PCGF6: variants seen among roughly 807,000 people sequenced by gnomAD.
The protein encoded by PCGF6 is polycomb group ring finger 6.
In PCGF6, 24 loss-of-function variants were observed where a neutral mutation model predicts 45.5. The ratio of observed to expected loss-of-function variants is 0.53; its 90% CI spans 0.38 to 0.74. PCGF6 has a LOEUF of 0.74. Among genes scored for constraint, PCGF6 ranks in the 30% least tolerant of loss-of-function variants. The pLI, the probability that PCGF6 is intolerant of heterozygous loss-of-function variation, is 0.00. For synonymous variants in PCGF6, 152 were observed against 162.1 expected (o/e 0.94, Z 0.47); for missense variants, 356 against 443.2 (o/e 0.80, Z 1.77).
intron 7 of PCGF6, among the ~76,000 whole-genome samples, chr10:103,328,656 T>C (rs974680794): frequency 6.6e-6 from 1 of 152,174 alleles, no homozygotes; most frequent in African/African-American, 2.4e-5. Flanking sequence ...ACCTGTCACA[T>C]AGTAAGCACT....
rs779439029 is a variant in PCGF6 at position 103,351,104 on chromosome 10, G to A, written c.-38C>T. ...CACCAGGCGAGGCGAGGCGGCGGGA[G>A]AGCGCGGGAGTTCGGCCGGCCTCGG... On this transcript the variant is annotated 5_prime_UTR_variant, in exon 1 of 10. Coordinates refer to ENST00000369847, the MANE Select transcript of PCGF6 (RefSeq NM_001011663.2). 11 of 1,339,090 alleles carry A rather than the reference G, an allele frequency of 8.2e-6. No homozygotes were observed. Among genetic ancestry groups the A allele is most frequent in the Non-Finnish European group, 1.1e-5 (11 of 1,044,990 alleles). 83.0% of individuals were successfully genotyped at this position (1,339,090 alleles called of 1,614,324 possible). A position where few individuals can be genotyped will look rare whatever the true frequency, so the allele number is the denominator to read the frequency against.
rs2093219878 is a variant in PCGF6 at position 103,326,635 on chromosome 10, A to G, written c.811-3T>C. On this transcript the variant is annotated splice_polypyrimidine_tract_variant and splice_region_variant and intron_variant, in intron 7 of 9. Transcript: ENST00000369847. ...CGAACAAACTTCTTTTCCAATGGCT[A>G]CAAAAACAGACAGATAAAACTATTT... The G allele has an allele frequency of 3.1e-6, 5 of 1,605,098 alleles. No individual in the cohort carries two copies. The South Asian group carries it at 4.5e-5, about 14-fold the overall frequency.
At chr10:103,324,872 C>T (rs982122182) in intron 8 of PCGF6, among the ~76,000 whole-genome samples, 3 of 148,070 alleles carry the variant, frequency 2.0e-5, no homozygotes, top group Admixed American at 6.8e-5. Flanking sequence ...TGGTGGCTCA[C>T]GCCTGTAATC....
At chr10:103,327,618 C>G (rs2093223710) in intron 7 of PCGF6, among the ~76,000 whole-genome samples, 1 of 151,914 alleles carries the variant, frequency 6.6e-6, no homozygotes. Flanking sequence ...TTATACTATT[C>G]TGCCTACTTT....
chr10:103,316,364 G>C (rs560764372), intron 8 of PCGF6, among the ~76,000 whole-genome samples: 60 of 152,218 alleles, frequency 3.9e-4, no homozygotes, highest in African/African-American at 1.2e-3. Flanking sequence ...GCATGGTTGG[G>C]AAAGAACAGT....
At position 103,303,284 on chromosome 10, in the gene PCGF6, A is replaced by G. The variant is rs1394100467; in HGVS notation, c.*621T>C. 3 of 152,464 alleles carry G rather than the reference A, an allele frequency of 2.0e-5. No homozygotes were observed. The highest frequency in any genetic ancestry group is 4.4e-5 in the Non-Finnish European group (3 of 68,044). The allele number at this position is 152,464 out of a possible 1,614,324, so 9.4% of individuals were successfully genotyped here. ...ATTGAAGAAGTCTTATTACACTGAA[A>G]TTTTATGGCACAGATCATAAACTCA... On this transcript the variant is annotated 3_prime_UTR_variant, in exon 10 of 10. Transcript: ENST00000369847.
intron 7 of PCGF6, among the ~76,000 whole-genome samples, chr10:103,331,521 G>A (rs922223204): frequency 6.6e-6 from 1 of 152,162 alleles, no homozygotes; most frequent in African/African-American, 2.4e-5. Context: ...GGCTCCCAAC[G>A]TGCTAGGATT....
intron 8 of PCGF6, among the ~76,000 whole-genome samples, chr10:103,322,696 C>G (rs1033127788): frequency 3.3e-5 from 5 of 151,716 alleles, no homozygotes; most frequent in Non-Finnish European, 7.4e-5. Context: ...TGGTGGCATG[C>G]ACCTCTAATC....
rs549100199 is a variant in PCGF6 at position 103,311,899 on chromosome 10, G to A, written c.996+2287C>T. Among the ~76,000 whole-genome samples, 7 of 148,348 alleles carry A rather than the reference G, an allele frequency of 4.7e-5. No homozygotes were observed. In the East Asian group the frequency reaches 8.3e-4, roughly 18 times the overall value. On this transcript the variant is annotated intron_variant, in intron 9 of 9. Transcript: ENST00000369847. ...AGGCCAAGAGTTTGAGATTAGCCTC[G>A]CCAACACGGTGAAACCTCATCTGTA...
intron 8 of PCGF6, among the ~76,000 whole-genome samples, chr10:103,317,380 A>G (rs1046941709): frequency 6.6e-6 from 1 of 152,218 alleles, no homozygotes; most frequent in African/African-American, 2.4e-5. Context: ...CGTGGTATAC[A>G]TTCACGGTAT....
chr10:103,347,965 T>A (rs1002135987), intron 3 of PCGF6, among the ~76,000 whole-genome samples: 1 of 151,066 alleles, frequency 6.6e-6, no homozygotes, highest in Non-Finnish European at 1.5e-5. Context: ...TAAAAATCAA[T>A]AGTATTTGTT....
At chr10:103,341,782 A>G (rs1312565235) in intron 6 of PCGF6, among the ~76,000 whole-genome samples, 1 of 152,010 alleles carries the variant, frequency 6.6e-6, no homozygotes, top group African/African-American at 2.4e-5. Context: ...CTAGTCATTA[A>G]AAGATATTAC....
chr10:103,349,104 G>A (rs375539031), intron 1 of PCGF6, 105 bp from the exon 2 acceptor site: 1 of 938,034 alleles, frequency 1.1e-6, no homozygotes. Context: ...GCTGAGTGCA[G>A]TGATGTCATC....
At chr10:103,349,193 G>A (rs1265189400) in intron 1 of PCGF6, among the ~76,000 whole-genome samples, 194 bp from the exon 2 acceptor site, 4 of 151,814 alleles carry the variant, frequency 2.6e-5, no homozygotes, top group South Asian at 2.1e-4. Flanking sequence ...GATTACAGGC[G>A]CGCACAACCA....
At chr10:103,332,538 A>G (rs1294954399) in intron 7 of PCGF6, among the ~76,000 whole-genome samples, 1 of 152,158 alleles carries the variant, frequency 6.6e-6, no homozygotes, top group Non-Finnish European at 1.5e-5. Context: ...GGCCTCCCAA[A>G]GTACTGGGAT....
intron 9 of PCGF6, among the ~76,000 whole-genome samples, chr10:103,310,569 A>G (rs2093153618): frequency 6.6e-6 from 1 of 152,184 alleles, no homozygotes; most frequent in Non-Finnish European, 1.5e-5. Flanking sequence ...CATTAAGAAA[A>G]TAATTCTTGG....
chr10:103,322,860 G>A (rs2093202616), intron 8 of PCGF6, among the ~76,000 whole-genome samples: 1 of 145,464 alleles, frequency 6.9e-6, no homozygotes, highest in Non-Finnish European at 1.5e-5. Flanking sequence ...GGGCAACACA[G>A]TATGTTATCC....
chr10:103,316,038 A>AGAGAGG (rs1267225572), intron 8 of PCGF6, among the ~76,000 whole-genome samples: 2 of 151,546 alleles, frequency 1.3e-5, no homozygotes, highest in African/African-American at 4.9e-5. Context: ...AGAGAGAGAG[A>AGAGAGG]GAGAGATATC....
chr10:103,340,044 G>A (rs2093274572), intron 6 of PCGF6, among the ~76,000 whole-genome samples: 1 of 146,336 alleles, frequency 6.8e-6, no homozygotes, highest in African/African-American at 2.5e-5. Flanking sequence ...AGGCATGGTG[G>A]TATGCGCCTG....
Sources: gnomAD v4.1 joint callset for allele counts (sites outside exome capture counted in the v4.1 genomes callset) on GRCh38, gnomAD v4.1.1 for gene constraint, MANE v1.5 for transcripts, NCBI Gene and HGNC (gene_info 2026-07-23, HGNC 2026-07-21) for gene names.